Variants in ZNF790 observed in about 807,000 individuals in gnomAD.
The protein encoded by ZNF790 is zinc finger protein 790.
A neutral mutation model predicts 12.1 loss-of-function variants in ZNF790; 8 were observed. The observed-to-expected ratio is 0.66, with a 90% CI of 0.39 to 1.19. ZNF790 has a LOEUF of 1.19. Among genes scored for constraint, ZNF790 ranks in the 50% most tolerant of loss-of-function variants. ZNF790 has a pLI of 0.01. For missense variants in ZNF790, 707 were observed against 752.2 expected (o/e 0.94, Z 0.70); for synonymous variants, 252 against 244.3 (o/e 1.03, Z -0.29).
rs1420221557 is a variant in ZNF790, at chr19:36,817,564, A to C, written c.*869T>G. The C allele has an allele frequency of 6.6e-6, 1 of 152,168 alleles. No homozygotes were observed. Among genetic ancestry groups the C allele is most frequent in the Non-Finnish European group, 1.5e-5 (1 of 68,032 alleles). The allele number at this position is 152,168 out of a possible 1,614,324, so 9.4% of individuals were successfully genotyped here. A position where few individuals can be genotyped will look rare whatever the true frequency, so the allele number is the denominator to read the frequency against. On this transcript the variant is annotated 3_prime_UTR_variant, in exon 5 of 5. Coordinates refer to ENST00000356725, the MANE Select transcript of ZNF790 (RefSeq NM_206894.4). Reference sequence around the variant, plus strand: ...CCTCTCATAAAATGGCTTAATACCAATACAAATGACAGTCACTAAGTCATG... The same window carrying C: ...CCTCTCATAAAATGGCTTAATACCACTACAAATGACAGTCACTAAGTCATG...
chr19:36,833,470 CA>C (rs1568340516), intron 1 of ZNF790, among the ~76,000 whole-genome samples: 1 of 152,026 alleles, frequency 6.6e-6, no homozygotes, highest in Non-Finnish European at 1.5e-5. Context: ...TTAATTACTA[CA>C]AATAGTTAAA....
chr19:36,846,264 A>C (rs1022452533), intron 1 of ZNF790, among the ~76,000 whole-genome samples: 5 of 152,160 alleles, frequency 3.3e-5, no homozygotes, highest in African/African-American at 1.2e-4. Context: ...GGCACAGATA[A>C]GGAGCTCAAT....
rs569360992 is a variant in ZNF790 at position 36,821,239 on chromosome 19, A to G, written c.230-1125T>C. On this transcript the variant is annotated intron_variant, in intron 4 of 4. Transcript: ENST00000356725. ...ACAGCAAGTACTCTAGCAGTGACTC[A>G]ATGAATTGAAAGGCAGTTTAGTTAC... 3.7e-4 allele frequency among the ~76,000 whole-genome samples: 56 copies of G among 152,176 alleles called. 2 individuals are homozygous for G. The South Asian group carries it at 0.011, about 30-fold the overall frequency.
At chr19:36,846,677 T>G (rs1366748181) in intron 1 of ZNF790, among the ~76,000 whole-genome samples, 4 of 152,236 alleles carry the variant, frequency 2.6e-5, no homozygotes, top group Non-Finnish European at 5.9e-5. Flanking sequence ...TAGTTCACCA[T>G]TTGTGGAAGG....
intron 1 of ZNF790, among the ~76,000 whole-genome samples, chr19:36,848,183 G>A (rs971862975): frequency 2.6e-5 from 4 of 152,194 alleles, no homozygotes; most frequent in Non-Finnish European, 4.4e-5. Flanking sequence ...AACCACAAGT[G>A]AGTTAATGAG....
intron 1 of ZNF790, among the ~76,000 whole-genome samples, chr19:36,836,485 G>A (rs1239843520): frequency 6.6e-6 from 1 of 151,900 alleles, no homozygotes; most frequent in African/African-American, 2.4e-5. Context: ...CCGGCTGGGC[G>A]CGGTGGCTCA....
chr19:36,827,141 CATAT>C (rs369671729), intron 1 of ZNF790, among the ~76,000 whole-genome samples: 3,298 of 84,204 alleles, frequency 0.039, 158 homozygotes, highest in African/African-American at 0.13. Flanking sequence ...CACACACACA[CATAT>C]ATATATATAT....
intron 1 of ZNF790, among the ~76,000 whole-genome samples, chr19:36,836,238 C>T (rs2072042076): frequency 6.6e-6 from 1 of 152,250 alleles, no homozygotes; most frequent in Middle Eastern, 3.4e-3. Context: ...TTGTCAGCCT[C>T]CCGCTTTCTC....
intron 4 of ZNF790, 36 bp downstream of exon 4, chr19:36,823,249 C>G: frequency 6.4e-7 from 1 of 1,573,340 alleles, no homozygotes; most frequent in Non-Finnish European, 8.7e-7. Context: ...TTATCCACAA[C>G]AATGGCCTCC....
chr19:36,833,965 G>C (rs2071990752), intron 1 of ZNF790, among the ~76,000 whole-genome samples: 1 of 152,028 alleles, frequency 6.6e-6, no homozygotes, highest in African/African-American at 2.4e-5. Flanking sequence ...TGAATGGGCT[G>C]GTCATGGTGG....
intron 2 of ZNF790, among the ~76,000 whole-genome samples, chr19:36,825,158 A>G (rs1568336895): frequency 6.6e-6 from 1 of 152,206 alleles, no homozygotes; most frequent in East Asian, 1.9e-4. Flanking sequence ...ACCTCCCATC[A>G]TATCTGCTAA....
intron 1 of ZNF790, among the ~76,000 whole-genome samples, chr19:36,833,765 C>T (rs1344993837): frequency 6.6e-6 from 1 of 152,084 alleles, no homozygotes; most frequent in African/African-American, 2.4e-5. Context: ...GATTTCCCCT[C>T]ACGACACAAA....
chr19:36,827,265 G>T (rs1463992331), intron 1 of ZNF790, among the ~76,000 whole-genome samples: 1 of 150,520 alleles, frequency 6.6e-6, no homozygotes, highest in Non-Finnish European at 1.5e-5. Context: ...GCAGACTATG[G>T]AGGATTCACC....
At chr19:36,850,244 T>TA (rs2072233247) in exon 1 of ZNF790, 1 of 152,194 alleles carries the variant, frequency 6.6e-6, no homozygotes, top group Non-Finnish European at 1.5e-5. Context: ...CAGCACACTT[T>TA]AGTTGGGCCC....
At position 36,819,171 on chromosome 19, in the gene ZNF790, C is replaced by T. The variant is rs2071609601; in HGVS notation, c.1173G>A (p.Arg391=). Residue 391 remains arginine, a synonymous_variant, in exon 5 of 5, where the codon AGG becomes AGA. Coordinates refer to ENST00000356725, the MANE Select transcript of ZNF790 (RefSeq NM_206894.4). ...LAQHQNVHVG[R]KPYKCEKCGK... ...CACATTTCTCACATTTATAAGGTTT[C>T]CTACCAACATGAACATTCTGATGTT... The T allele has an allele frequency of 1.2e-6, 2 of 1,613,988 alleles. No homozygotes were observed. The highest frequency in any genetic ancestry group is 2.2e-5 in the East Asian group (1 of 44,876).
At chr19:36,847,772 G>A (rs2072194075) in intron 1 of ZNF790, among the ~76,000 whole-genome samples, 1 of 151,322 alleles carries the variant, frequency 6.6e-6, no homozygotes, top group African/African-American at 2.4e-5. Flanking sequence ...AAGAAGTGGA[G>A]CCCTTAGGAG....
In ZNF790 at chr19:36,819,163, T is replaced by G. The variant is rs754633941; in HGVS notation, c.1181A>C (p.Tyr394Ser). ...GGCTTTCCCACATTTCTCACATTTA[T>G]AAGGTTTCCTACCAACATGAACATT... ...HQNVHVGRKPYKCEKCGKAYI... is the reference protein window; with the variant it reads ...HQNVHVGRKPSKCEKCGKAYI... The change falls in exon 5 of 5, where the codon TAT (tyrosine) becomes TCT (serine). Residue 394 changes from tyrosine to serine, a missense_variant. Transcript: ENST00000356725. 1 of 1,613,880 alleles carries G rather than the reference T, an allele frequency of 6.2e-7. No individual in the cohort carries two copies. Among genetic ancestry groups the G allele is most frequent in the Non-Finnish European group, 8.5e-7 (1 of 1,179,956 alleles).
chr19:36,833,624 C>G (rs1175682728), intron 1 of ZNF790, among the ~76,000 whole-genome samples: 2 of 152,034 alleles, frequency 1.3e-5, no homozygotes, highest in African/African-American at 4.8e-5. Flanking sequence ...AAATCATAAT[C>G]AAAATAATGC....
chr19:36,839,347 TGGTATCTCAAG>T (rs1271265857), upstream of ZNF790, among the ~76,000 whole-genome samples: 1 of 152,210 alleles, frequency 6.6e-6, no homozygotes, highest in Non-Finnish European at 1.5e-5. Context: ...ACACAAGTGT[TGGTATCTCAAG>T]AACAAATGCC....
Sources: gnomAD v4.1 joint callset for allele counts (sites outside exome capture counted in the v4.1 genomes callset) on GRCh38, gnomAD v4.1.1 for gene constraint, MANE v1.5 for transcripts, NCBI Gene and HGNC (gene_info 2026-07-23, HGNC 2026-07-21) for gene names.